Variants in RTTN observed in about 807,000 individuals in gnomAD.
The protein encoded by RTTN is rotatin.
A neutral mutation model predicts 269.2 loss-of-function variants in RTTN; 182 were observed. The observed-to-expected ratio is 0.68, with a 90% confidence interval of 0.60 to 0.76. RTTN has a LOEUF of 0.76. Ranked by LOEUF, RTTN falls within the 30% of genes least tolerant of loss-of-function variation. The pLI is 0.00. For synonymous variants in RTTN, 1,006 were observed against 963.5 expected (o/e 1.04, Z -0.82); for missense variants, 2,545 against 2,608.6 (o/e 0.98, Z 0.53).
At position 70,163,048 on chromosome 18, in the gene RTTN, C is replaced by T. The variant is rs147906989; in HGVS notation, c.1929+3014G>A. 3.0e-3 allele frequency among the ~76,000 whole-genome samples: 361 copies of T among 119,314 alleles called. 3 individuals are homozygous for T. The highest frequency in any genetic ancestry group is 0.01 in the African/African-American group (345 of 34,328). The allele number at this position is 119,314 out of a possible 152,430, so 78.3% of individuals were successfully genotyped here. ...CTATGATGGGAAATGACTTTGCACCCATTAGGATGGTTACTATTATTAAAA... is the reference window on the plus strand; with the variant it reads ...CTATGATGGGAAATGACTTTGCACCTATTAGGATGGTTACTATTATTAAAA... On this transcript the variant is annotated intron_variant, in intron 14 of 48. Transcript: ENST00000640769.
chr18:70,157,180 C>T (rs973154020), intron 14 of RTTN, among the ~76,000 whole-genome samples: 3 of 152,156 alleles, frequency 2.0e-5, no homozygotes, highest in Non-Finnish European at 4.4e-5. Flanking sequence ...CACCGCCCCA[C>T]GCCCCCCCAG....
At chr18:70,049,177 T>G (rs963693940) in intron 39 of RTTN, among the ~76,000 whole-genome samples, 2 of 152,206 alleles carry the variant, frequency 1.3e-5, no homozygotes, top group African/African-American at 4.8e-5. Flanking sequence ...TCACCTCAAC[T>G]TTTGTAGCAT....
At chr18:70,071,647 C>T (rs1205488662) in intron 34 of RTTN, among the ~76,000 whole-genome samples, 1 of 152,190 alleles carries the variant, frequency 6.6e-6, no homozygotes, top group Non-Finnish European at 1.5e-5. Context: ...CTAACAATGA[C>T]ACTCTGCTTA....
At chr18:70,009,464 C>A (rs1289727122) in intron 46 of RTTN, among the ~76,000 whole-genome samples, 1 of 152,100 alleles carries the variant, frequency 6.6e-6, no homozygotes, top group Non-Finnish European at 1.5e-5. Flanking sequence ...CCCAGAAATT[C>A]ATATCCAGCC....
intron 40 of RTTN, 57 bp from the exon 41 acceptor site, chr18:70,031,038 G>A: frequency 1.7e-6 from 2 of 1,195,168 alleles, no homozygotes; most frequent in Admixed American, 2.0e-5. Context: ...GAGCAAAACT[G>A]TTGTGAATAA....
chr18:70,113,526 C>G (rs1195174436), intron 27 of RTTN, among the ~76,000 whole-genome samples: 1 of 152,030 alleles, frequency 6.6e-6, no homozygotes, highest in Admixed American at 6.6e-5. Flanking sequence ...CCATATGAAC[C>G]AACAATTCCA....
At chr18:70,188,023 G>A (rs1427239723) in intron 10 of RTTN, 85 bp downstream of exon 10, 16 of 748,124 alleles carry the variant, frequency 2.1e-5, no homozygotes, top group Middle Eastern at 3.8e-4. Flanking sequence ...TTTTGAACAC[G>A]AATGAGACAA....
chr18:70,180,042 G>A (rs1050980748), intron 10 of RTTN, among the ~76,000 whole-genome samples: 1 of 151,970 alleles, frequency 6.6e-6, no homozygotes, highest in African/African-American at 2.4e-5. Flanking sequence ...TCTACTACCA[G>A]GCCTATCCTT....
intron 40 of RTTN, among the ~76,000 whole-genome samples, chr18:70,046,013 T>TA (rs2057480314): frequency 6.6e-6 from 1 of 152,110 alleles, no homozygotes; most frequent in South Asian, 2.1e-4. Context: ...AAGTATTAGG[T>TA]AAAAATAAGG....
At chr18:70,192,278 A>T (rs774268918) in intron 8 of RTTN, among the ~76,000 whole-genome samples, 1 of 152,200 alleles carries the variant, frequency 6.6e-6, no homozygotes, top group Non-Finnish European at 1.5e-5. Context: ...TTTTAGAATG[A>T]CACTAAAGAG....
At chr18:70,023,414 T>C (rs1183108878) in intron 44 of RTTN, among the ~76,000 whole-genome samples, 1 of 152,206 alleles carries the variant, frequency 6.6e-6, no homozygotes, top group Non-Finnish European at 1.5e-5. Context: ...AACTCCAGCT[T>C]ACTATTTTCA....
At chr18:70,040,438 A>G (rs2057307180) in intron 40 of RTTN, among the ~76,000 whole-genome samples, 1 of 152,216 alleles carries the variant, frequency 6.6e-6, no homozygotes, top group African/African-American at 2.4e-5. Flanking sequence ...TTGTGAGTAT[A>G]TATGTACCCA....
chr18:70,095,774 G>A (rs2058986820), intron 28 of RTTN, among the ~76,000 whole-genome samples: 1 of 151,892 alleles, frequency 6.6e-6, no homozygotes, highest in African/African-American at 2.4e-5. Flanking sequence ...TACATGTCTT[G>A]GGGTTGCTCT....
Position 70,030,014 on chromosome 18 carries a change from T to C in RTTN, c.5743A>G (p.Lys1915Glu). 2 of 1,610,414 alleles carry C rather than the reference T, an allele frequency of 1.2e-6. No individual in the cohort carries two copies. Among genetic ancestry groups the C allele is most frequent in the Non-Finnish European group, 1.7e-6 (2 of 1,177,386 alleles). Reference protein sequence around the residue: ...LRPGKAALKKKEDGVIKELSI... With the variant: ...LRPGKAALKKEEDGVIKELSI... ...ATTCATTTATCCCAGAATGTTACCT[T>C]TTTTTTCAATGCTGCTTTCCCAGGC... The change falls in exon 42 of 49, where the codon AAG (lysine) becomes GAG (glutamate). Residue 1915 changes from lysine to glutamate, a missense_variant and splice_region_variant. Transcript: ENST00000640769.
chr18:70,022,074 T>C (rs1191958902), intron 44 of RTTN, among the ~76,000 whole-genome samples: 1 of 152,140 alleles, frequency 6.6e-6, no homozygotes, highest in African/African-American at 2.4e-5. Flanking sequence ...TAAATTCTAA[T>C]TTATTTTCTT....
intron 17 of RTTN, 138 bp downstream of exon 17, chr18:70,148,763 C>T (rs550687896): frequency 1.1e-4 from 105 of 953,840 alleles, no homozygotes; most frequent in South Asian, 2.9e-4. Flanking sequence ...CTTAGTTTCA[C>T]GCATTGGTTT....
chr18:70,040,038 A>C (rs565249010), intron 40 of RTTN, among the ~76,000 whole-genome samples: 120 of 97,372 alleles, frequency 1.2e-3, no homozygotes, highest in Middle Eastern at 5.3e-3. Flanking sequence ...CACTAAAAGA[A>C]AGACAGAAGG....
chr18:70,067,253 G>A (rs999923668), intron 34 of RTTN, among the ~76,000 whole-genome samples: 10 of 150,468 alleles, frequency 6.6e-5, no homozygotes, highest in African/African-American at 2.2e-4. Context: ...TCCGCCTCCC[G>A]GGTTCACGCC....
intron 14 of RTTN, among the ~76,000 whole-genome samples, chr18:70,158,524 T>A (rs543706754): frequency 3.3e-5 from 5 of 152,146 alleles, no homozygotes; most frequent in Non-Finnish European, 7.4e-5. Flanking sequence ...GACACTATGA[T>A]GCAACTATAC....
Sources: gnomAD v4.1 joint callset for allele counts (sites outside exome capture counted in the v4.1 genomes callset) on GRCh38, gnomAD v4.1.1 for gene constraint, MANE v1.5 for transcripts, NCBI Gene and HGNC (gene_info 2026-07-23, HGNC 2026-07-21) for gene names.